AASS: variants seen among roughly 807,000 people sequenced by gnomAD.
AASS encodes the protein alpha-aminoadipic semialdehyde synthase, mitochondrial.
AASS carries 86 observed loss-of-function variants against 105.4 expected under a neutral mutation model. That is an observed-to-expected ratio of 0.82 (90% CI 0.69 to 0.98). The LOEUF (loss-of-function observed/expected upper bound fraction) is 0.98, where lower values mean the gene tolerates loss of function less well. Among genes scored for constraint, AASS ranks in the 50% least tolerant of loss-of-function variants. The probability of loss-of-function intolerance (pLI) is 0.00; values close to 1 mark genes in which losing one functional copy is unlikely to be tolerated. For missense variants in AASS, 1,048 were observed against 1,143.2 expected (o/e 0.92, Z 1.20); for synonymous variants, 381 against 394.8 (o/e 0.96, Z 0.41).
chr7:122,077,115 C>G (rs1448617771), intron 23 of AASS, among the ~76,000 whole-genome samples: 1 of 152,122 alleles, frequency 6.6e-6, no homozygotes, highest in East Asian at 1.9e-4. Flanking sequence ...TCCTCAATAA[C>G]TAAGTTGGTC....
chr7:122,110,568 A>G (rs1336843795), intron 11 of AASS, among the ~76,000 whole-genome samples: 1 of 151,978 alleles, frequency 6.6e-6, no homozygotes, highest in East Asian at 1.9e-4. Context: ...ACTAACACTA[A>G]TCTCATGTAA....
Position 122,098,465 on chromosome 7 carries a change from T to C in AASS, c.1640A>G (p.Gln547Arg), listed in dbSNP as rs758505893. The change falls in exon 15 of 24, where the codon CAG becomes CGG. Residue 547 changes from glutamine (Q) to arginine (R), a missense_variant. Physicochemically the swap from Gln to Arg is conservative, Grantham distance 43 (BLOSUM62 1). Transcript: ENST00000417368. ...AGATACTGACCTGATGACAAGATCC[T>C]GTTTTGCCACCAAGAAGCCCAGCTT... ...EEKLGFLVAKQDLVISLLPYV... is the reference protein window; with the variant it reads ...EEKLGFLVAKRDLVISLLPYV... 1 of 1,612,244 alleles carries C rather than the reference T, an allele frequency of 6.2e-7. No homozygotes were observed. The highest frequency in any genetic ancestry group is 1.7e-5 in the Admixed American group (1 of 59,848).
At position 122,126,410 on chromosome 7, in the gene AASS, C is replaced by T; in HGVS notation, c.437G>A (p.Arg146Gln). 2.5e-6 allele frequency: 4 copies of T among 1,613,860 alleles called. No homozygotes were observed. Among genetic ancestry groups the T allele is most frequent in the East Asian group, 2.2e-5 (1 of 44,882 alleles). ...YEKMVDHRGV[R>Q]VVAFGQWAGV... ...AGCCCACTGTCCAAATGCCACTACC[C>T]GTACTCCTCTATGATCCACCATTTT... The change falls in exon 4 of 24, where the codon CGG (arginine) becomes CAG (glutamine). Residue 146 changes from arginine (R) to glutamine (Q), a missense_variant. Transcript: ENST00000417368.
intron 1 of AASS, among the ~76,000 whole-genome samples, chr7:122,140,918 G>C (rs889391308): frequency 6.6e-6 from 1 of 151,680 alleles, no homozygotes; most frequent in African/African-American, 2.4e-5. Flanking sequence ...AAAATCCATG[G>C]TTTCCCAAGA....
intron 8 of AASS, among the ~76,000 whole-genome samples, chr7:122,115,848 A>C (rs528125964): frequency 4.6e-5 from 7 of 152,240 alleles, no homozygotes; most frequent in African/African-American, 1.4e-4. Flanking sequence ...TATGTTCATA[A>C]TTTTTCTTCT....
At chr7:122,127,939 AT>A (rs907410623) in intron 3 of AASS, among the ~76,000 whole-genome samples, 11 of 152,210 alleles carry the variant, frequency 7.2e-5, no homozygotes, top group African/African-American at 2.7e-4. Context: ...GTCTAATAGA[AT>A]ATTAAACTTG....
intron 6 of AASS, 42 bp downstream of exon 6, chr7:122,118,265 A>C: frequency 6.2e-7 from 1 of 1,610,604 alleles, no homozygotes; most frequent in Non-Finnish European, 8.5e-7. Context: ...TTAGTTTCAA[A>C]GTTTTGGATT....
intron 6 of AASS, among the ~76,000 whole-genome samples, chr7:122,117,998 T>C (rs1183818049): frequency 6.6e-6 from 1 of 152,126 alleles, no homozygotes; most frequent in Non-Finnish European, 1.5e-5. Flanking sequence ...GAAGAAAAAG[T>C]ATTCCAAGAC....
intron 15 of AASS, among the ~76,000 whole-genome samples, chr7:122,095,203 T>A (rs1407792434): frequency 6.6e-6 from 1 of 152,052 alleles, no homozygotes; most frequent in African/African-American, 2.4e-5. Flanking sequence ...ACGGTGTTGA[T>A]CAGTGTAAAT....
intron 10 of AASS, 108 bp downstream of exon 10, chr7:122,113,490 T>G: frequency 7.1e-7 from 1 of 1,412,610 alleles, no homozygotes; most frequent in Non-Finnish European, 9.8e-7. Context: ...TGAGTATATC[T>G]CTCCAAATTT....
intron 23 of AASS, 56 bp from the exon 24 acceptor site, chr7:122,076,663 T>G: frequency 1.5e-6 from 2 of 1,331,106 alleles, no homozygotes; most frequent in Non-Finnish European, 2.2e-6. Context: ...GAGGTTAATT[T>G]CCCCATCAAG....
rs1792970078 is a variant in AASS at position 122,075,738 on chromosome 7, C to T, written c.*751G>A. 6.6e-6 allele frequency: 1 copy of T among 151,864 alleles called. No homozygotes were observed. Among genetic ancestry groups the T allele is most frequent in the African/African-American group, 2.4e-5 (1 of 41,304 alleles). 9.4% of individuals were successfully genotyped at this position (151,864 alleles called of 1,614,324 possible). On this transcript the variant is annotated 3_prime_UTR_variant, in exon 24 of 24. Coordinates refer to ENST00000417368, the MANE Select transcript of AASS (RefSeq NM_005763.4). ...ATTTAATCTTATCTATTCTCATGTCCAAACACTCAAGAGAAAACTATAAGG... is the reference window on the plus strand; with the variant it reads ...ATTTAATCTTATCTATTCTCATGTCTAAACACTCAAGAGAAAACTATAAGG...
chr7:122,132,814 T>C (rs190041846), intron 2 of AASS, among the ~76,000 whole-genome samples: 9 of 152,226 alleles, frequency 5.9e-5, no homozygotes, highest in Admixed American at 5.9e-4. Context: ...GTCAATATCA[T>C]TGAAACAAAA....
Position 122,139,280 on chromosome 7 carries a change from G to A in AASS, c.-16+4881C>T, listed in dbSNP as rs116106990. Among the ~76,000 whole-genome samples the A allele has an allele frequency of 5.1e-3, 779 of 152,186 alleles. 12 individuals carry two copies. Among genetic ancestry groups the A allele is most frequent in the African/African-American group, 0.017 (708 of 41,532 alleles). On this transcript the variant is annotated intron_variant, in intron 1 of 23. Transcript: ENST00000417368. ...TTTGGGGGCTACTTAAGATATGCAC[G>A]GCATGATGCACTTGGTAAAGATATA...
intron 22 of AASS, 55 bp from the exon 23 acceptor site, chr7:122,078,069 G>C: frequency 6.6e-7 from 1 of 1,519,216 alleles, no homozygotes; most frequent in Non-Finnish European, 9.1e-7. Context: ...CTCAAATATT[G>C]TCTGTCATCT....
At chr7:122,083,533 A>G (rs1793476054) in intron 19 of AASS, among the ~76,000 whole-genome samples, 1 of 152,078 alleles carries the variant, frequency 6.6e-6, no homozygotes, top group Non-Finnish European at 1.5e-5. Flanking sequence ...CCATGCAGAA[A>G]CTGCAGTCAA....
Position 122,086,071 on chromosome 7 carries a change from C to T in AASS, c.2125G>A (p.Ala709Thr). The change falls in exon 19 of 24, where the codon GCT becomes ACT. Residue 709 changes from alanine to threonine, a missense_variant. Ala to Thr is a moderately conservative substitution (Grantham distance 58, BLOSUM62 0). Coordinates refer to ENST00000417368, the MANE Select transcript of AASS (RefSeq NM_005763.4). ...GYPNRDSTKY[A>T]EIYGISSAHT... Reference sequence around the variant, plus strand: ...GCAGAAGAAATGCCATAAATCTCAGCATATTTCGTACTGTCTCTGTTAGGA... The same window carrying T: ...GCAGAAGAAATGCCATAAATCTCAGTATATTTCGTACTGTCTCTGTTAGGA... 11 of 1,613,634 alleles carry T rather than the reference C, an allele frequency of 6.8e-6. No homozygotes were observed. The highest frequency in any genetic ancestry group is 9.3e-6 in the Non-Finnish European group (11 of 1,179,800).
At position 122,073,568 on chromosome 7, in the gene AASS, T is replaced by A. The variant is rs1234791624; in HGVS notation, c.*2921A>T. Among the ~76,000 whole-genome samples, 1 of 152,214 alleles carries A rather than the reference T, an allele frequency of 6.6e-6. No homozygotes were observed. The highest frequency in any genetic ancestry group is 2.4e-5 in the African/African-American group (1 of 41,450). On this transcript the variant is annotated 3_prime_UTR_variant, in exon 24 of 24. Transcript: ENST00000417368. ...ATTGCATTTGTAATTTAATTTTTTATAACAACTTGAGATAAAATCTACATA... is the reference window on the plus strand; with the variant it reads ...ATTGCATTTGTAATTTAATTTTTTAAAACAACTTGAGATAAAATCTACATA...
intron 17 of AASS, 38 bp downstream of exon 17, chr7:122,092,805 A>G (rs1793970293): frequency 2.0e-6 from 3 of 1,468,030 alleles, no homozygotes. Context: ...AAGAATTTAG[A>G]CATTTTAATG....
Sources: gnomAD v4.1 joint callset for allele counts (sites outside exome capture counted in the v4.1 genomes callset) on GRCh38, gnomAD v4.1.1 for gene constraint, MANE v1.5 for transcripts, NCBI Gene and HGNC (gene_info 2026-07-23, HGNC 2026-07-21) for gene names.